NBEA: variants seen among roughly 807,000 people sequenced by gnomAD.
NBEA encodes lysosomal-trafficking regulator 2.
In NBEA, 44 loss-of-function variants were observed where a neutral mutation model predicts 343.4. The observed-to-expected ratio is 0.13, with a 90% CI of 0.10 to 0.16. The LOEUF (loss-of-function observed/expected upper bound fraction) is 0.16, where lower values mean the gene tolerates loss of function less well. NBEA is among the 10% of genes least tolerant of loss of function. The probability of loss-of-function intolerance (pLI) is 1.00; values close to 1 mark genes in which losing one functional copy is unlikely to be tolerated. For synonymous variants in NBEA, 1,175 were observed against 1,238.7 expected (o/e 0.95, Z 1.08); for missense variants, 2,555 against 3,631.3 (o/e 0.70, Z 7.62).
intron 1 of NBEA, among the ~76,000 whole-genome samples, chr13:35,023,001 A>T (rs1213116947): frequency 1.3e-5 from 2 of 152,154 alleles, no homozygotes; most frequent in Non-Finnish European, 2.9e-5. Context: ...GATTGTGCCT[A>T]CTTTGAAAAA....
intron 40 of NBEA, among the ~76,000 whole-genome samples, chr13:35,458,654 C>A (rs909844140): frequency 4.6e-5 from 7 of 151,982 alleles, no homozygotes; most frequent in African/African-American, 1.7e-4. Context: ...CTTAATTATA[C>A]CAAAAGCTGA....
chr13:35,246,220 A>G (rs1358792744), intron 34 of NBEA, among the ~76,000 whole-genome samples: 1 of 152,142 alleles, frequency 6.6e-6, no homozygotes, highest in East Asian at 1.9e-4. Flanking sequence ...TCCTTAAGGT[A>G]GACTTCACCT....
chr13:35,063,156 A>G (rs1162828495), intron 8 of NBEA, among the ~76,000 whole-genome samples: 3 of 152,014 alleles, frequency 2.0e-5, no homozygotes, highest in African/African-American at 7.2e-5. Context: ...GATAAGGTAC[A>G]CTAAATACAA....
chr13:35,368,780 T>C (rs2041266334), intron 38 of NBEA, among the ~76,000 whole-genome samples: 1 of 151,872 alleles, frequency 6.6e-6, no homozygotes, highest in South Asian at 2.1e-4. Context: ...GTTATTATTA[T>C]GTCATTCCTT....
intron 41 of NBEA, among the ~76,000 whole-genome samples, chr13:35,529,455 T>C (rs1266414614): frequency 1.3e-5 from 2 of 152,220 alleles, no homozygotes; most frequent in Non-Finnish European, 2.9e-5. Context: ...CCAATGCCAG[T>C]AGTTACCCTA....
At chr13:35,262,237 CAAAATAGTAGCCATAG>C (rs1316216114) in intron 34 of NBEA, among the ~76,000 whole-genome samples, 1 of 152,114 alleles carries the variant, frequency 6.6e-6, no homozygotes, top group African/African-American at 2.4e-5. Context: ...TTTGAGAATG[CAAAATAGTAGCCATAG>C]AGGAAAATAG....
At chr13:35,471,898 G>A (rs2152958531) in intron 40 of NBEA, among the ~76,000 whole-genome samples, 2 of 152,268 alleles carry the variant, frequency 1.3e-5, no homozygotes, top group Middle Eastern at 6.8e-3. Flanking sequence ...CTTCCTGCAA[G>A]AGGCAAACCG....
At chr13:35,021,347 G>A (rs945432242) in intron 1 of NBEA, among the ~76,000 whole-genome samples, 2 of 152,082 alleles carry the variant, frequency 1.3e-5, no homozygotes, top group African/African-American at 4.8e-5. Context: ...GAAAAAGTTT[G>A]CTGACCCTCT....
At chr13:35,336,427 G>A (rs996178082) in intron 36 of NBEA, among the ~76,000 whole-genome samples, 2 of 151,984 alleles carry the variant, frequency 1.3e-5, no homozygotes, top group Non-Finnish European at 2.9e-5. Context: ...TATTGGTGGG[G>A]GTGCAAATTA....
intron 40 of NBEA, among the ~76,000 whole-genome samples, chr13:35,462,562 T>A (rs2046967857): frequency 6.6e-6 from 1 of 152,164 alleles, no homozygotes; most frequent in Admixed American, 6.5e-5. Flanking sequence ...TTAAGGAACC[T>A]TGTTTTTATC....
At chr13:35,328,636 C>A (rs1449307157) in intron 36 of NBEA, among the ~76,000 whole-genome samples, 1 of 151,838 alleles carries the variant, frequency 6.6e-6, no homozygotes, top group Non-Finnish European at 1.5e-5. Flanking sequence ...CAACTATATA[C>A]CCACAAAAAT....
chr13:35,391,048 G>T (rs774233693), intron 38 of NBEA, among the ~76,000 whole-genome samples: 4 of 152,084 alleles, frequency 2.6e-5, no homozygotes, highest in African/African-American at 7.2e-5. Context: ...GCCAAGACTC[G>T]CAGATCACTT....
chr13:35,387,462 T>C (rs1249497901), intron 38 of NBEA, among the ~76,000 whole-genome samples: 1 of 152,076 alleles, frequency 6.6e-6, no homozygotes, highest in African/African-American at 2.4e-5. Flanking sequence ...TGTTATATGG[T>C]CAATAGTAAC....
intron 34 of NBEA, among the ~76,000 whole-genome samples, chr13:35,251,985 C>T (rs965738678): frequency 8.6e-5 from 13 of 151,986 alleles, no homozygotes; most frequent in African/African-American, 3.1e-4. Flanking sequence ...CACTCCAGAT[C>T]TCTAAATACT....
At chr13:35,078,944 C>T (rs2064245474) in intron 10 of NBEA, among the ~76,000 whole-genome samples, 1 of 152,086 alleles carries the variant, frequency 6.6e-6, no homozygotes, top group Non-Finnish European at 1.5e-5. Context: ...ATTGTTTGAA[C>T]CCGGGAGGCG....
At chr13:35,259,118 TAATA>T (rs1255306003) in intron 34 of NBEA, among the ~76,000 whole-genome samples, 1 of 152,234 alleles carries the variant, frequency 6.6e-6, no homozygotes, top group Non-Finnish European at 1.5e-5. Flanking sequence ...AGCTTTTCCT[TAATA>T]AATGGTTATG....
chr13:35,658,228 A>T (rs2084912866), intron 55 of NBEA, among the ~76,000 whole-genome samples: 1 of 152,184 alleles, frequency 6.6e-6, no homozygotes, highest in Admixed American at 6.6e-5. Context: ...TTATGACAAA[A>T]TTATCAATAT....
chr13:35,502,229 A>G (rs905491009), intron 41 of NBEA, among the ~76,000 whole-genome samples: 1 of 152,126 alleles, frequency 6.6e-6, no homozygotes, highest in Non-Finnish European at 1.5e-5. Flanking sequence ...TGAAAACATC[A>G]TGCTATAAAA....
chr13:35,323,487 T>G (rs1196437959), intron 36 of NBEA, among the ~76,000 whole-genome samples: 2 of 147,356 alleles, frequency 1.4e-5, no homozygotes, highest in Admixed American at 1.4e-4. Flanking sequence ...ACACCACATA[T>G]TCTCACTCAT....
Sources: allele counts gnomAD v4.1 joint callset (sites outside exome capture counted in the v4.1 genomes callset), GRCh38; gene constraint gnomAD v4.1.1; transcripts MANE v1.5; gene names NCBI Gene and HGNC (gene_info 2026-07-23, HGNC 2026-07-21).